Variants in SELENOO observed in about 807,000 individuals in gnomAD.
SELENOO encodes the protein protein adenylyltransferase SelO, mitochondrial.
A neutral mutation model predicts 58.7 loss-of-function variants in SELENOO; 74 were observed. The ratio of observed to expected loss-of-function variants is 1.26; its 90% CI spans 1.04 to 1.53. SELENOO has a LOEUF of 1.53. Ranked by LOEUF, SELENOO falls within the 40% of genes most tolerant of loss-of-function variation. The probability of loss-of-function intolerance (pLI) is 0.00; values close to 1 mark genes in which losing one functional copy is unlikely to be tolerated. For missense variants in SELENOO, 1,149 were observed against 970.0 expected (o/e 1.18, Z -2.45); for synonymous variants, 543 against 453.2 (o/e 1.20, Z -2.52).
At chr22:50,201,759 C>T (rs1055709215) in intron 1 of SELENOO, among the ~76,000 whole-genome samples, 169 bp downstream of exon 1, 9 of 152,238 alleles carry the variant, frequency 5.9e-5, no homozygotes, top group African/African-American at 2.2e-4. Context: ...CTTATCAACC[C>T]GCCGAGGACC....
intron 5 of SELENOO, 135 bp downstream of exon 5, chr22:50,211,046 ACT>A (rs1175008522): frequency 1.6e-5 from 14 of 875,130 alleles, no homozygotes; most frequent in Admixed American, 6.7e-5. Context: ...CCCCCATTCT[ACT>A]CTCTGTCTTT....
intron 2 of SELENOO, 64 bp downstream of exon 2, chr22:50,206,584 C>T: frequency 2.1e-6 from 3 of 1,429,388 alleles, no homozygotes; most frequent in South Asian, 1.3e-5. Context: ...AGATTTGGGC[C>T]TGTGCTGCTA....
intron 2 of SELENOO, among the ~76,000 whole-genome samples, chr22:50,207,420 G>A (rs772169838): frequency 2.7e-4 from 41 of 152,146 alleles, no homozygotes; most frequent in Admixed American, 6.5e-4. Flanking sequence ...CACCGCGCCC[G>A]GCCCCCAGCC....
intron 5 of SELENOO, among the ~76,000 whole-genome samples, chr22:50,215,306 C>T (rs2064397819): frequency 6.6e-6 from 1 of 152,082 alleles, no homozygotes; most frequent in Non-Finnish European, 1.5e-5. Flanking sequence ...TCACAGGTGA[C>T]TTGGAGGGTG....
intron 2 of SELENOO, 133 bp from the exon 3 acceptor site, chr22:50,208,403 C>A: frequency 1.3e-6 from 1 of 786,502 alleles, no homozygotes; most frequent in Non-Finnish European, 2.0e-6. Context: ...GCACTCCAGC[C>A]TGGACAACAA....
intron 2 of SELENOO, 155 bp from the exon 3 acceptor site, chr22:50,208,381 G>A (rs988005607): frequency 4.8e-6 from 3 of 620,432 alleles, no homozygotes; most frequent in African/African-American, 3.8e-5. Context: ...GGTGAGGCGA[G>A]ATCGCGCCAC....
At chr22:50,207,751 C>G (rs1027747621) in intron 2 of SELENOO, among the ~76,000 whole-genome samples, 2 of 138,184 alleles carry the variant, frequency 1.4e-5, no homozygotes, top group East Asian at 4.2e-4. Context: ...GTGTCCAGAC[C>G]TTGCCTGATG....
At chr22:50,210,023 T>G (rs532180120) in intron 3 of SELENOO, among the ~76,000 whole-genome samples, 158 bp from the exon 4 acceptor site, 2 of 152,300 alleles carry the variant, frequency 1.3e-5, no homozygotes, top group East Asian at 3.9e-4. Context: ...CACCTTGTGG[T>G]TGAGGCGGTG....
rs2047429437 is a variant in SELENOO at position 50,210,041 on chromosome 22, A to G, written c.940-140A>G. The G allele has an allele frequency of 4.2e-6, 4 of 961,704 alleles. No homozygotes were observed. In the Admixed American group the frequency reaches 9.6e-5, roughly 23 times the overall value. The allele number at this position is 961,704 out of a possible 1,614,324, so 59.6% of individuals were successfully genotyped here. A position where few individuals can be genotyped will look rare whatever the true frequency, so the allele number is the denominator to read the frequency against. ...CTTGTGGTTGAGGCGGTGACAGGACATCAGGAAGATCGCCCAGAAACTGCA... is the reference window on the plus strand; with the variant it reads ...CTTGTGGTTGAGGCGGTGACAGGACGTCAGGAAGATCGCCCAGAAACTGCA... On this transcript the variant is annotated intron_variant, in intron 3 of 8. Coordinates refer to ENST00000380903, the MANE Select transcript of SELENOO (RefSeq NM_031454.2).
At chr22:50,214,701 G>T (rs1222525621) in intron 5 of SELENOO, among the ~76,000 whole-genome samples, 2 of 152,228 alleles carry the variant, frequency 1.3e-5, no homozygotes, top group Non-Finnish European at 1.5e-5. Context: ...GGAGGCGGAG[G>T]TTGCAGTGAG....
At chr22:50,206,582 G>T in intron 2 of SELENOO, 62 bp downstream of exon 2, 1 of 1,434,374 alleles carries the variant, frequency 7.0e-7, no homozygotes. Flanking sequence ...GGAGATTTGG[G>T]CCTGTGCTGC....
Position 50,206,624 on chromosome 22 carries a change from C to G in SELENOO, c.758+104C>G, listed in dbSNP as rs1027024503. On this transcript the variant is annotated intron_variant, in intron 2 of 8. Transcript: ENST00000380903. The stretch of plus-strand genomic sequence containing the variant: ...TCTGGTAGAAACAAACCCAGATGAC[C>G]GCCTTGGCCTCTTCTGAAAGTCCAG... 3.8e-5 allele frequency: 39 copies of G among 1,038,362 alleles called. No homozygotes were observed. In the South Asian group the frequency reaches 5.9e-4, roughly 16 times the overall value. The allele number at this position is 1,038,362 out of a possible 1,614,324, so 64.3% of individuals were successfully genotyped here.
At chr22:50,216,658 G>A in intron 6 of SELENOO, 33 bp from the exon 7 acceptor site, 1 of 1,547,118 alleles carries the variant, frequency 6.5e-7, no homozygotes, top group East Asian at 2.4e-5. Flanking sequence ...CACGGTCAGG[G>A]GCTACCTCCC....
intron 5 of SELENOO, among the ~76,000 whole-genome samples, chr22:50,212,262 C>T (rs531696611): frequency 5.9e-5 from 9 of 152,266 alleles, no homozygotes; most frequent in African/African-American, 2.2e-4. Flanking sequence ...CCATCTGGTC[C>T]TGGGCTTTTC....
intron 5 of SELENOO, among the ~76,000 whole-genome samples, chr22:50,215,475 G>A (rs2064399159): frequency 6.6e-6 from 1 of 150,660 alleles, no homozygotes; most frequent in Non-Finnish European, 1.5e-5. Context: ...TGCGTGCCAG[G>A]TGTGGGTCCG....
intron 1 of SELENOO, among the ~76,000 whole-genome samples, chr22:50,203,938 A>G (rs900671084): frequency 6.6e-6 from 1 of 152,234 alleles, no homozygotes; most frequent in African/African-American, 2.4e-5. Context: ...TGCAATTCAT[A>G]TATCTGATAA....
At chr22:50,202,889 G>T (rs1474061398) in intron 1 of SELENOO, among the ~76,000 whole-genome samples, 2 of 152,168 alleles carry the variant, frequency 1.3e-5, no homozygotes, top group Non-Finnish European at 2.9e-5. Flanking sequence ...CTGTGAGAAG[G>T]AAGAGACTTG....
chr22:50,206,500 T>C lies in SELENOO; in HGVS notation c.738T>C (p.Arg246=), dbSNP rs2064334015. 2 of 1,613,884 alleles carry C rather than the reference T, an allele frequency of 1.2e-6. No individual in the cohort carries two copies. Among genetic ancestry groups the C allele is most frequent in the Non-Finnish European group, 1.7e-6 (2 of 1,179,846 alleles). Residue 246 remains arginine (R), a synonymous_variant, in exon 2 of 9, where the codon CGT becomes CGC. Coordinates refer to ENST00000380903, the MANE Select transcript of SELENOO (RefSeq NM_031454.2). Reference sequence around the variant, plus strand: ...ATGAACAATGCACGGTTGTGTTGCGTGTAGCTTCCACTTTCATAAGGTAAT... The same window carrying C: ...ATGAACAATGCACGGTTGTGTTGCGCGTAGCTTCCACTTTCATAAGGTAAT... The part of the protein sequence containing the change: ...PKYEQCTVVL[R]VASTFIRFGS...
At chr22:50,212,967 G>GT (rs1388890808) in intron 5 of SELENOO, among the ~76,000 whole-genome samples, 1 of 152,224 alleles carries the variant, frequency 6.6e-6, no homozygotes, top group Non-Finnish European at 1.5e-5. Context: ...GTGAGTTGAG[G>GT]TAACTGATTG....
Sources: allele counts gnomAD v4.1 joint callset (sites outside exome capture counted in the v4.1 genomes callset), GRCh38; gene constraint gnomAD v4.1.1; transcripts MANE v1.5; gene names NCBI Gene and HGNC (gene_info 2026-07-23, HGNC 2026-07-21).